The following TMEM223 variants were observed in gnomAD, a reference collection of about 807,000 sequenced individuals.
The protein encoded by TMEM223 is transmembrane protein 223.
TMEM223 carries 14 observed loss-of-function variants against 14.1 expected under a neutral mutation model. The ratio of observed to expected loss-of-function variants is 0.99; its 90% CI spans 0.66 to 1.55. The LOEUF (loss-of-function observed/expected upper bound fraction) is 1.55. TMEM223 is among the 40% of genes most tolerant of loss of function. The pLI is 0.00. For synonymous variants in TMEM223, 145 were observed against 120.5 expected (o/e 1.20, Z -1.33); for missense variants, 346 against 269.9 (o/e 1.28, Z -1.97).
At chr11:62,789,172 C>G (rs375060289), downstream of TMEM223, 5 of 1,614,180 alleles carry the variant, frequency 3.1e-6, no homozygotes, top group Non-Finnish European at 3.4e-6. Flanking sequence ...TGCTTTTGCT[C>G]TTCTGGATCT....
chr11:62,778,538 A>G (rs1452239061), intron 1 of TMEM223: 3 of 650,000 alleles, frequency 4.6e-6, no homozygotes, highest in East Asian at 5.4e-5. Context: ...GTCATAATGC[A>G]GCATGTTGGA....
downstream of TMEM223, chr11:62,787,303 G>T: frequency 1.3e-6 from 2 of 1,534,016 alleles, no homozygotes; most frequent in East Asian, 2.3e-5. Context: ...CTGAGTCAGT[G>T]GCCCCTTCGT....
chr11:62,787,244 G>A (rs768538809), downstream of TMEM223: 89 of 1,562,530 alleles, frequency 5.7e-5, no homozygotes, highest in Non-Finnish European at 7.3e-5. Flanking sequence ...CGTACCAGCC[G>A]CCCCGCCCGC....
downstream of TMEM223, among the ~76,000 whole-genome samples, chr11:62,784,390 C>T (rs573777243): frequency 7.3e-4 from 110 of 151,290 alleles, no homozygotes; most frequent in African/African-American, 1.1e-3. Context: ...CTGCAACCTC[C>T]GCCTCCCGGG....
downstream of TMEM223, chr11:62,787,058 G>A (rs970249120): frequency 1.1e-5 from 17 of 1,524,664 alleles, no homozygotes; most frequent in Admixed American, 1.4e-4. Context: ...ACCGGCACCC[G>A]CGACGTTTTC....
intron 1 of TMEM223, chr11:62,778,312 G>A (rs1478874041): frequency 6.2e-7 from 1 of 1,614,080 alleles, no homozygotes; most frequent in Non-Finnish European, 8.5e-7. Context: ...GATGGCAAAG[G>A]GAACCTGGCA....
downstream of TMEM223, among the ~76,000 whole-genome samples, chr11:62,788,377 T>C (rs560159709): frequency 1.7e-4 from 24 of 144,732 alleles, no homozygotes; most frequent in Non-Finnish European, 3.4e-4. Flanking sequence ...CACTCCAGCC[T>C]GGGTGACGAG....
chr11:62,777,836 CA>C, intron 1 of TMEM223: 1 of 1,024,224 alleles, frequency 9.8e-7, no homozygotes, highest in South Asian at 1.7e-5. Context: ...CTCTGAGTCC[CA>C]GGCTTCCACC....
At chr11:62,775,466 T>G (rs1157065130) in intron 1 of TMEM223, among the ~76,000 whole-genome samples, 1 of 152,200 alleles carries the variant, frequency 6.6e-6, no homozygotes, top group Non-Finnish European at 1.5e-5. Flanking sequence ...GTTTTACAGT[T>G]TAGGACACAA....
rs186632638 is a variant in TMEM223 at position 62,776,473 on chromosome 11, G to C, written c.315-1808C>G. 286 of 1,613,482 alleles carry C rather than the reference G, an allele frequency of 1.8e-4. No homozygotes were observed. The African/African-American group carries it at 3.1e-3, about 18-fold the overall frequency. On this transcript the variant is annotated intron_variant, in intron 1 of 2. Transcript: ENST00000528367. ...CCCTCAGATGGAGCAGCGTGGAGGTGAGTGGGGTGCAGGCTACAGAGGGCT... is the reference window on the plus strand; with the variant it reads ...CCCTCAGATGGAGCAGCGTGGAGGTCAGTGGGGTGCAGGCTACAGAGGGCT...
At chr11:62,787,048 A>G (rs1363452964), downstream of TMEM223, 1 of 1,521,860 alleles carries the variant, frequency 6.6e-7, no homozygotes. Flanking sequence ...GGGCCCCGGG[A>G]CCGGCACCCG....
At position 62,777,981 on chromosome 11, in the gene TMEM223, G is replaced by A. The variant is rs1441883200; in HGVS notation, c.315-3316C>T. 1.9e-5 allele frequency: 31 copies of A among 1,613,900 alleles called. No homozygotes were observed. Among genetic ancestry groups the A allele is most frequent in the Non-Finnish European group, 2.3e-5 (27 of 1,179,976 alleles). On this transcript the variant is annotated intron_variant, in intron 1 of 2. Coordinates refer to the TMEM223 transcript ENST00000528367. ...CTCCAATTCCCTTTTTCCTCAGGCTGTGTGTGGTTACGGATCACAGGAGGC... is the reference window on the plus strand; with the variant it reads ...CTCCAATTCCCTTTTTCCTCAGGCTATGTGTGGTTACGGATCACAGGAGGC...
chr11:62,781,927 A>T (rs1182554614), intron 1 of TMEM223: 8 of 1,614,130 alleles, frequency 5.0e-6, no homozygotes, highest in Non-Finnish European at 6.8e-6. Context: ...GAACTCCAAG[A>T]TTGGGGCACT....
Position 62,790,656 on chromosome 11 carries a change from A to G in TMEM223, c.576T>C (p.Phe192=). The G allele has an allele frequency of 6.2e-7, 1 of 1,612,152 alleles. No homozygotes were observed. Among genetic ancestry groups the G allele is most frequent in the East Asian group, 2.2e-5 (1 of 44,860 alleles). ...KTGHFPNTKL[F]DNTVGAYRSL ...TCCGGTAGGCACCCACAGTATTGTC[A>G]AAGAGTTTTGTGTTAGGGAAGTGTC... Residue 192 remains phenylalanine (F), a synonymous_variant, in exon 2 of 2, where the codon TTT becomes TTC. Transcript: ENST00000307366.
At chr11:62,785,968 T>A, downstream of TMEM223, 1 of 267,426 alleles carries the variant, frequency 3.7e-6, no homozygotes, top group Admixed American at 4.4e-5. Context: ...GGTAGCAGTA[T>A]GCAAACTAAA....
chr11:62,787,678 C>A, downstream of TMEM223: 2 of 1,013,148 alleles, frequency 2.0e-6, no homozygotes, highest in Non-Finnish European at 1.4e-6. Context: ...TGAAATGCAG[C>A]GAGGCTAATC....
chr11:62,786,129 C>T (rs1432671158), downstream of TMEM223: 2 of 1,146,106 alleles, frequency 1.7e-6, no homozygotes, highest in Non-Finnish European at 2.5e-6. Context: ...TTGAATATGC[C>T]AATCAGGGAA....
chr11:62,791,273 T>C (rs1346368517), intron 1 of TMEM223, among the ~76,000 whole-genome samples: 1 of 152,080 alleles, frequency 6.6e-6, no homozygotes, highest in African/African-American at 2.4e-5. Flanking sequence ...ATTTTTTTTT[T>C]TGAGAGGGGA....
At chr11:62,777,983 G>A (rs373587976) in intron 1 of TMEM223, 2 of 1,614,024 alleles carry the variant, frequency 1.2e-6, no homozygotes, top group African/African-American at 2.7e-5. Context: ...CTCAGGCTGT[G>A]TGTGGTTACG....
Sources: gnomAD v4.1 joint callset for allele counts (sites outside exome capture counted in the v4.1 genomes callset) on GRCh38, gnomAD v4.1.1 for gene constraint, MANE v1.5 for transcripts, NCBI Gene and HGNC (gene_info 2026-07-23, HGNC 2026-07-21) for gene names.